The following KREMEN1 variants were observed in gnomAD, a reference collection of about 807,000 sequenced individuals.
KREMEN1 encodes kremen protein 1.
Under a neutral mutation model 46.5 loss-of-function variants are expected in KREMEN1, and 30 were observed. The observed-to-expected ratio is 0.65, with a 90% CI of 0.48 to 0.88. KREMEN1 has a LOEUF of 0.88. KREMEN1 is among the 40% of genes least tolerant of loss of function. The pLI is 0.00. For synonymous variants in KREMEN1, 214 were observed against 230.6 expected, an observed-to-expected ratio of 0.93 and a Z score of 0.65; for missense variants, 533 against 596.9, an observed-to-expected ratio of 0.89 and a Z score of 1.11.
At chr22:29,095,180 A>G (rs1383812271) in intron 2 of KREMEN1, among the ~76,000 whole-genome samples, 1 of 152,166 alleles carries the variant, frequency 6.6e-6, no homozygotes, top group African/African-American at 2.4e-5. Flanking sequence ...AGCCCAGGAT[A>G]ACCTTGCTCT....
chr22:29,165,738 G>T (rs567516105), intron 9 of KREMEN1, among the ~76,000 whole-genome samples: 13 of 152,356 alleles, frequency 8.5e-5, no homozygotes, highest in African/African-American at 3.1e-4. Context: ...GGCAATACAA[G>T]CAAGGACTGA....
chr22:29,105,852 C>G (rs546179734), intron 3 of KREMEN1, among the ~76,000 whole-genome samples: 2 of 152,262 alleles, frequency 1.3e-5, no homozygotes, highest in African/African-American at 4.8e-5. Context: ...CGTGTGGAAC[C>G]TTAGGTCCAT....
chr22:29,109,906 G>A (rs1601777435), intron 3 of KREMEN1, among the ~76,000 whole-genome samples: 1 of 152,262 alleles, frequency 6.6e-6, no homozygotes, highest in Non-Finnish European at 1.5e-5. Flanking sequence ...TAAAACAGCA[G>A]GAAGAGGTTC....
At position 29,098,705 on chromosome 22, in the gene KREMEN1, AT is replaced by A. The variant is rs1416700715; in HGVS notation, c.261-151del. On this transcript the variant is annotated intron_variant, in intron 2 of 8. Transcript: ENST00000400335. ...ATATGTTTGTTCTTGTAATATTACCATTTTTTCCCTTTTGATGAGAGATGGC... is the reference window on the plus strand; with the variant it reads ...ATATGTTTGTTCTTGTAATATTACCATTTTTCCCTTTTGATGAGAGATGGC... 1.4e-3 allele frequency among the ~76,000 whole-genome samples: 213 copies of A among 152,200 alleles called. 1 individual carries two copies. The highest frequency in any genetic ancestry group is 5.0e-3 in the African/African-American group (206 of 41,500).
chr22:29,077,903 T>G (rs1377191144), intron 1 of KREMEN1, among the ~76,000 whole-genome samples: 1 of 152,210 alleles, frequency 6.6e-6, no homozygotes, highest in African/African-American at 2.4e-5. Context: ...ACTACAATTT[T>G]TTTTTAAAAA....
intron 1 of KREMEN1, among the ~76,000 whole-genome samples, chr22:29,086,638 A>G (rs2037732776): frequency 6.6e-6 from 1 of 152,186 alleles, no homozygotes; most frequent in African/African-American, 2.4e-5. Flanking sequence ...GGCAAAGGGT[A>G]GTCTGCCCAG....
intron 3 of KREMEN1, among the ~76,000 whole-genome samples, chr22:29,113,991 A>G (rs1012112924): frequency 2.0e-5 from 3 of 152,154 alleles, no homozygotes; most frequent in Admixed American, 1.3e-4. Context: ...TTTCAGTTCT[A>G]ATGTTCTGAG....
At chr22:29,117,055 G>C (rs1488870107) in intron 3 of KREMEN1, among the ~76,000 whole-genome samples, 2 of 152,208 alleles carry the variant, frequency 1.3e-5, no homozygotes, top group Non-Finnish European at 2.9e-5. Context: ...TTGGCTTAGA[G>C]GGGGAAGGGT....
chr22:29,157,166 G>A (rs147973911), intron 9 of KREMEN1, among the ~76,000 whole-genome samples: 2 of 152,208 alleles, frequency 1.3e-5, no homozygotes, highest in African/African-American at 4.8e-5. Flanking sequence ...GACCTGTGGG[G>A]GCTCCACGCA....
chr22:29,085,597 A>C (rs2037716278), intron 1 of KREMEN1, among the ~76,000 whole-genome samples: 1 of 152,178 alleles, frequency 6.6e-6, no homozygotes. Flanking sequence ...GTGAGTCCTA[A>C]ATCTCTATTA....
chr22:29,141,176 C>T (rs1264987828), intron 8 of KREMEN1, among the ~76,000 whole-genome samples: 2 of 152,104 alleles, frequency 1.3e-5, no homozygotes, highest in Non-Finnish European at 2.9e-5. Flanking sequence ...AACCCCTTTA[C>T]ATAGACACCT....
intron 1 of KREMEN1, among the ~76,000 whole-genome samples, chr22:29,091,789 G>C (rs924264640): frequency 2.6e-5 from 4 of 152,178 alleles, no homozygotes; most frequent in Non-Finnish European, 4.4e-5. Context: ...AGTAAGTGTT[G>C]TGAAGCAAAC....
At chr22:29,118,596 G>A (rs1018478449) in intron 3 of KREMEN1, among the ~76,000 whole-genome samples, 19 of 152,182 alleles carry the variant, frequency 1.2e-4, no homozygotes, top group African/African-American at 4.1e-4. Flanking sequence ...AGAGAGAGAG[G>A]GGGCTCTGGT....
At chr22:29,119,745 C>G (rs575842054) in intron 3 of KREMEN1, among the ~76,000 whole-genome samples, 1 of 152,320 alleles carries the variant, frequency 6.6e-6, no homozygotes, top group Non-Finnish European at 1.5e-5. Flanking sequence ...TCTACTAGAC[C>G]AAACCATCTG....
At chr22:29,156,060 G>A (rs2038958780) in intron 9 of KREMEN1, among the ~76,000 whole-genome samples, 1 of 152,236 alleles carries the variant, frequency 6.6e-6, no homozygotes, top group Non-Finnish European at 1.5e-5. Context: ...AAAGGCTGGT[G>A]CATGTGTTTC....
chr22:29,081,817 A>G (rs1035735659), intron 1 of KREMEN1, among the ~76,000 whole-genome samples: 7 of 152,222 alleles, frequency 4.6e-5, no homozygotes, highest in Admixed American at 6.5e-5. Flanking sequence ...CCCTGTGCCA[A>G]TTGACAGAAG....
At chr22:29,101,578 C>A (rs1033947138) in intron 3 of KREMEN1, among the ~76,000 whole-genome samples, 1 of 152,194 alleles carries the variant, frequency 6.6e-6, no homozygotes, top group Non-Finnish European at 1.5e-5. Context: ...AAGCTTCATT[C>A]GTGGCAAGTG....
intron 4 of KREMEN1, among the ~76,000 whole-genome samples, chr22:29,121,775 C>G (rs2038360780): frequency 6.6e-6 from 1 of 152,196 alleles, no homozygotes; most frequent in Non-Finnish European, 1.5e-5. Context: ...CTGCACAACA[C>G]AGTGACTATA....
downstream of KREMEN1, among the ~76,000 whole-genome samples, chr22:29,148,104 C>T (rs1179386371): frequency 6.6e-6 from 1 of 152,148 alleles, no homozygotes; most frequent in Non-Finnish European, 1.5e-5. Flanking sequence ...CACTCTTCGA[C>T]ATAAGGAATG....
Sources: gnomAD v4.1 joint callset for allele counts (sites outside exome capture counted in the v4.1 genomes callset) on GRCh38, gnomAD v4.1.1 for gene constraint, MANE v1.5 for transcripts, NCBI Gene and HGNC (gene_info 2026-07-23, HGNC 2026-07-21) for gene names.